The following SDHAF4 variants were observed in gnomAD, a reference collection of about 807,000 sequenced individuals.
SDHAF4 encodes the protein succinate dehydrogenase assembly factor 4, mitochondrial.
SDHAF4 carries 14 observed loss-of-function variants against 14.3 expected under a neutral mutation model. The observed-to-expected ratio is 0.98, with a 90% CI of 0.65 to 1.53. The LOEUF is 1.53. SDHAF4 is among the 40% of genes most tolerant of loss of function. The pLI is 0.00. For missense variants in SDHAF4, 141 were observed against 129.3 expected, an observed-to-expected ratio of 1.09 and a Z score of -0.44; for synonymous variants, 63 against 47.3, an observed-to-expected ratio of 1.33 and a Z score of -1.36.
intron 1 of SDHAF4, chr6:70,567,562 A>G (rs1485884429): frequency 1.3e-5 from 2 of 152,420 alleles, no homozygotes; most frequent in Non-Finnish European, 2.9e-5. Flanking sequence ...GTCAGTACAG[A>G]AAAAGCATTC....
chr6:70,569,495 C>T (rs936969822), intron 1 of SDHAF4, among the ~76,000 whole-genome samples: 3 of 152,212 alleles, frequency 2.0e-5, no homozygotes, highest in Non-Finnish European at 2.9e-5. Flanking sequence ...CTATCAGCCT[C>T]GGCCTACCGA....
At chr6:70,584,174 A>G (rs1477651325) in intron 2 of SDHAF4, among the ~76,000 whole-genome samples, 1 of 151,464 alleles carries the variant, frequency 6.6e-6, no homozygotes, top group Non-Finnish European at 1.5e-5. Context: ...CTGCCACCAC[A>G]CCCGGTTAAT....
chr6:70,571,954 A>G (rs901879194), intron 1 of SDHAF4, among the ~76,000 whole-genome samples: 6 of 149,924 alleles, frequency 4.0e-5, no homozygotes, highest in Non-Finnish European at 8.9e-5. Flanking sequence ...TCTGCTCTCC[A>G]TATAATATGT....
intron 1 of SDHAF4, among the ~76,000 whole-genome samples, chr6:70,573,646 TC>T (rs1243928819): frequency 6.6e-6 from 1 of 151,700 alleles, no homozygotes; most frequent in African/African-American, 2.4e-5. Flanking sequence ...GCCTAATTTT[TC>T]TTTTTCTTTT....
At chr6:70,577,324 T>C (rs35542509) in intron 1 of SDHAF4, among the ~76,000 whole-genome samples, 30,469 of 152,150 alleles carry the variant, frequency 0.2, 3,135 homozygotes, top group Middle Eastern at 0.26. Flanking sequence ...TTCTGTTTGC[T>C]ACAGAGGTGT....
chr6:70,592,405 C>T (rs1474723078), downstream of SDHAF4, among the ~76,000 whole-genome samples: 1 of 152,130 alleles, frequency 6.6e-6, no homozygotes, highest in Non-Finnish European at 1.5e-5. Flanking sequence ...TGGTCGTGAC[C>T]AGAATGCTGA....
chr6:70,574,882 T>C (rs1462422701), intron 1 of SDHAF4, among the ~76,000 whole-genome samples: 1 of 152,076 alleles, frequency 6.6e-6, no homozygotes, highest in Non-Finnish European at 1.5e-5. Context: ...GAGCCATGAT[T>C]CTGCCACTAC....
Position 70,567,272 on chromosome 6 carries a change from A to G in SDHAF4, c.64+268A>G, listed in dbSNP as rs567224752. Reference sequence around the variant, plus strand: ...CTTCCTACCGAGCACGCGGTGGCCCAACAGGACCACAAACGTTCCGGGTTG... The same window carrying G: ...CTTCCTACCGAGCACGCGGTGGCCCGACAGGACCACAAACGTTCCGGGTTG... On this transcript the variant is annotated intron_variant, in intron 1 of 2. Transcript: ENST00000370474. 2.0e-5 allele frequency: 10 copies of G among 507,336 alleles called. 1 individual carries two copies. The South Asian group carries it at 2.6e-4, about 13-fold the overall frequency. The allele number at this position is 507,336 out of a possible 1,614,324, so 31.4% of individuals were successfully genotyped here. A position where few individuals can be genotyped will look rare whatever the true frequency, so the allele number is the denominator to read the frequency against.
intron 1 of SDHAF4, among the ~76,000 whole-genome samples, chr6:70,569,104 T>C (rs201681722): frequency 1.1e-4 from 17 of 150,438 alleles, no homozygotes; most frequent in Admixed American, 1.3e-4. Context: ...TAGCTGGGAC[T>C]ACAGGCGCGC....
intron 1 of SDHAF4, among the ~76,000 whole-genome samples, chr6:70,578,353 G>T (rs931862365): frequency 6.6e-6 from 1 of 152,104 alleles, no homozygotes; most frequent in African/African-American, 2.4e-5. Flanking sequence ...TAATATGTTT[G>T]TTGGCCGCTT....
chr6:70,581,565 T>G (rs1802322912), intron 2 of SDHAF4, among the ~76,000 whole-genome samples: 1 of 152,164 alleles, frequency 6.6e-6, no homozygotes, highest in South Asian at 2.1e-4. Context: ...TATGCTTTCA[T>G]TAGTTTCATT....
chr6:70,582,446 C>T (rs1458588898), intron 2 of SDHAF4, among the ~76,000 whole-genome samples: 1 of 152,218 alleles, frequency 6.6e-6, no homozygotes, highest in Non-Finnish European at 1.5e-5. Flanking sequence ...GAGCATCACT[C>T]TCCTGTCTCC....
chr6:70,568,329 A>G (rs1029051370), intron 1 of SDHAF4, among the ~76,000 whole-genome samples: 2 of 152,352 alleles, frequency 1.3e-5, no homozygotes, highest in Admixed American at 1.3e-4. Flanking sequence ...TAAGCTATGT[A>G]GCAGTCATGT....
the SDHAF4 span, chr6:70,596,962 AAGAT>A: frequency 6.6e-6 from 1 of 152,232 alleles, no homozygotes; most frequent in African/African-American, 2.4e-5. Flanking sequence ...TTCTAAATAA[AAGAT>A]AAGAATGGCA....
intron 1 of SDHAF4, among the ~76,000 whole-genome samples, chr6:70,574,473 G>A (rs1802225799): frequency 6.6e-6 from 1 of 152,182 alleles, no homozygotes; most frequent in Non-Finnish European, 1.5e-5. Context: ...CAAGGTTAAA[G>A]TAGATACTTT....
chr6:70,578,881 A>G (rs1802287629), intron 1 of SDHAF4, among the ~76,000 whole-genome samples: 1 of 152,118 alleles, frequency 6.6e-6, no homozygotes, highest in South Asian at 2.1e-4. Flanking sequence ...TGGTCTCACT[A>G]TGTTACCCAG....
At chr6:70,580,635 A>C (rs1802310474) in intron 2 of SDHAF4, among the ~76,000 whole-genome samples, 1 of 152,222 alleles carries the variant, frequency 6.6e-6, no homozygotes, top group Non-Finnish European at 1.5e-5. Context: ...GTGGAAAACT[A>C]TTCAGTCATA....
At chr6:70,582,370 T>C (rs1765141357) in intron 2 of SDHAF4, among the ~76,000 whole-genome samples, 1 of 152,198 alleles carries the variant, frequency 6.6e-6, no homozygotes. Flanking sequence ...CGGCTTAAAA[T>C]GATTTTAAAT....
At chr6:70,595,895 T>G in the SDHAF4 span, among the ~76,000 whole-genome samples, 4 of 151,468 alleles carry the variant, frequency 2.6e-5, no homozygotes, top group Non-Finnish European at 5.9e-5. Flanking sequence ...TTTCGTTGTA[T>G]AGTTTTGCTT....
Sources: gnomAD v4.1 joint callset for allele counts (sites outside exome capture counted in the v4.1 genomes callset) on GRCh38, gnomAD v4.1.1 for gene constraint, MANE v1.5 for transcripts, NCBI Gene and HGNC (gene_info 2026-07-23, HGNC 2026-07-21) for gene names.